The following ADORA2A variants were observed in gnomAD, a reference collection of about 807,000 sequenced individuals.
The protein encoded by ADORA2A is adenosine A2a receptor, also known as adenosine receptor A2a.
ADORA2A carries 11 observed loss-of-function variants against 18.4 expected under a neutral mutation model. The observed-to-expected ratio is 0.60, with a 90% CI of 0.38 to 0.99. ADORA2A has a LOEUF of 0.99. Among genes scored for constraint, ADORA2A ranks in the 50% least tolerant of loss-of-function variants. ADORA2A has a pLI of 0.01. For synonymous variants in ADORA2A, 218 were observed against 237.3 expected, an observed-to-expected ratio of 0.92 and a Z score of 0.75; for missense variants, 449 against 556.1, an observed-to-expected ratio of 0.81 and a Z score of 1.94.
At position 24,436,249 on chromosome 22, in the gene ADORA2A, C is replaced by T. The variant is rs560352800; in HGVS notation, c.332+2513C>T. Among the ~76,000 whole-genome samples the T allele has an allele frequency of 5.3e-4, 81 of 152,256 alleles. 1 individual carries two copies. Among genetic ancestry groups the T allele is most frequent in the Non-Finnish European group, 1.2e-3 (79 of 68,018 alleles). On this transcript the variant is annotated intron_variant, in intron 2 of 2. Coordinates refer to ENST00000337539, the MANE Select transcript of ADORA2A (RefSeq NM_000675.6). ...AAAGGAACTTGGTGACACTCCTGGC[C>T]GGCGCTGGAGTCACAGCCTGCCTCA...
At chr22:24,434,684 G>A (rs1217231031) in intron 2 of ADORA2A, among the ~76,000 whole-genome samples, 2 of 152,188 alleles carry the variant, frequency 1.3e-5, no homozygotes, top group Admixed American at 6.5e-5. Flanking sequence ...CCATCTCTGC[G>A]GTGAATTATC....
In ADORA2A at chr22:24,428,249, A is replaced by G. The variant is rs567031296; in HGVS notation, c.-275+503A>G. ...AAAAGCCAGTCATAGTGGGGCCCAC[A>G]ACCTGCCGTGCCCTGCCGAGCTCCC... On this transcript the variant is annotated intron_variant, in intron 1 of 2. Transcript: ENST00000337539. Among the ~76,000 whole-genome samples, 54 of 152,336 alleles carry G rather than the reference A, an allele frequency of 3.5e-4. 2 individuals carry two copies. In the South Asian group the frequency reaches 0.011, roughly 30 times the overall value.
At chr22:24,434,500 G>A (rs2043126430) in intron 2 of ADORA2A, among the ~76,000 whole-genome samples, 1 of 152,204 alleles carries the variant, frequency 6.6e-6, no homozygotes, top group Admixed American at 6.5e-5. Flanking sequence ...ACCTACCCAG[G>A]CCATAGATGA....
rs2043314389 is a variant in ADORA2A at position 24,440,598 on chromosome 22, G to A, written c.348G>A (p.Val116=). The A allele has an allele frequency of 2.6e-6, 4 of 1,562,312 alleles. No homozygotes were observed. The African/African-American group carries it at 4.1e-5, about 16-fold the overall frequency. Residue 116 remains valine (V), a synonymous_variant, in exon 3 of 3, where the codon GTG becomes GTA. Coordinates refer to ENST00000337539, the MANE Select transcript of ADORA2A (RefSeq NM_000675.6). ...TTCTCCCCAGGTACAATGGCTTGGT[G>A]ACCGGCACGAGGGCTAAGGGCATCA... The part of the protein sequence containing the change: ...IRIPLRYNGL[V]TGTRAKGIIA...
chr22:24,440,287 C>T (rs189509979), intron 2 of ADORA2A, among the ~76,000 whole-genome samples: 35 of 152,318 alleles, frequency 2.3e-4, no homozygotes, highest in African/African-American at 8.2e-4. Context: ...TTCCTCCAAC[C>T]AAACTAAGTC....
intron 1 of ADORA2A, chr22:24,431,586 T>C (rs1392208006): frequency 4.6e-6 from 2 of 435,098 alleles, no homozygotes; most frequent in African/African-American, 4.0e-5. Flanking sequence ...AGAGACGAGG[T>C]GGCTGCCCGA....
upstream of ADORA2A, chr22:24,424,537 G>A (rs2042896916): frequency 6.6e-6 from 1 of 152,286 alleles, no homozygotes. The surrounding 1 kb of genome is among the most constrained non-coding windows in gnomAD (Gnocchi z 4.9). Flanking sequence ...GAGCCGGGCG[G>A]AGACCGGTTC....
intron 2 of ADORA2A, chr22:24,438,784 A>G (rs531271018): frequency 6.6e-6 from 1 of 152,342 alleles, no homozygotes; most frequent in Admixed American, 6.5e-5. Flanking sequence ...ATTGGACCAC[A>G]TAAGAGATCG....
chr22:24,432,749 GC>G, intron 1 of ADORA2A: 1 of 154,834 alleles, frequency 6.5e-6, no homozygotes, highest in Non-Finnish European at 1.4e-5. Flanking sequence ...CCTGGCAGGG[GC>G]CCAGCTAGGG....
At chr22:24,425,913 G>A (rs1215925075), upstream of ADORA2A, among the ~76,000 whole-genome samples, 2 of 152,336 alleles carry the variant, frequency 1.3e-5, no homozygotes, top group South Asian at 2.1e-4. Flanking sequence ...CCTTGGCTTG[G>A]GAGCAAGTGG....
upstream of ADORA2A, among the ~76,000 whole-genome samples, chr22:24,425,437 G>C (rs2042908765): frequency 6.7e-6 from 1 of 149,404 alleles, no homozygotes; most frequent in South Asian, 2.1e-4. Flanking sequence ...TTCTGCGCTT[G>C]CTTTTTGGGG....
chr22:24,437,794 T>A (rs1351760942), intron 2 of ADORA2A, among the ~76,000 whole-genome samples: 1 of 152,274 alleles, frequency 6.6e-6, no homozygotes, highest in Non-Finnish European at 1.5e-5. Flanking sequence ...GGGTTCCCTT[T>A]TCTGTACAAG....
intron 1 of ADORA2A, chr22:24,429,878 G>A (rs2042987251): frequency 6.6e-6 from 1 of 152,340 alleles, no homozygotes; most frequent in Admixed American, 6.5e-5. Context: ...GCTCAGCAGT[G>A]ACTGGCATCG....
Position 24,441,498 on chromosome 22 carries a change from G to A in ADORA2A, c.*9G>A. 6.7e-7 allele frequency: 1 copy of A among 1,498,430 alleles called. No individual in the cohort carries two copies. Among genetic ancestry groups the A allele is most frequent in the Non-Finnish European group, 8.9e-7 (1 of 1,124,380 alleles). 92.8% of individuals were successfully genotyped at this position (1,498,430 alleles called of 1,614,324 possible). On this transcript the variant is annotated 3_prime_UTR_variant, in exon 3 of 3. Transcript: ENST00000337539. Reference sequence around the variant, plus strand: ...GAGCAGGAGTGTCCTGATGATTCATGGAGTTTGCCCCTTCCTAAGGGAAGG... The same window carrying A: ...GAGCAGGAGTGTCCTGATGATTCATAGAGTTTGCCCCTTCCTAAGGGAAGG...
In ADORA2A at chr22:24,434,116, A is replaced by G. The variant is rs5751873; in HGVS notation, c.332+380A>G. On this transcript the variant is annotated intron_variant, in intron 2 of 2. Coordinates refer to ENST00000337539, the MANE Select transcript of ADORA2A (RefSeq NM_000675.6). ...GGTGTGTCTGGGCCATTCCTCACAC[A>G]CAAGCAAAACTTCCCGGATGATGCT... Among the ~76,000 whole-genome samples, 1,183 of 152,290 alleles carry G rather than the reference A, an allele frequency of 7.8e-3. 75 individuals carry two copies. In the South Asian group the frequency reaches 0.12, roughly 16 times the overall value.
At chr22:24,430,172 GC>G (rs1483324350) in intron 1 of ADORA2A, 1 of 152,502 alleles carries the variant, frequency 6.6e-6, no homozygotes, top group African/African-American at 2.4e-5. Flanking sequence ...TTCTGGCTTG[GC>G]AGGGGCCCAG....
Position 24,441,835 on chromosome 22 carries a change from G to C in ADORA2A, c.*346G>C, listed in dbSNP as rs200178238. On this transcript the variant is annotated 3_prime_UTR_variant, in exon 3 of 3. Coordinates refer to ENST00000337539, the MANE Select transcript of ADORA2A (RefSeq NM_000675.6). The stretch of plus-strand genomic sequence containing the variant: ...AGCTTGGGCACAGCAGACTGGCCTG[G>C]CCCTGAGACTGGGGAGTGGCTCCAA... 3.8e-5 allele frequency: 8 copies of C among 213,282 alleles called. No homozygotes were observed. The highest frequency in any genetic ancestry group is 5.6e-5 in the Non-Finnish European group (6 of 107,012). The allele number at this position is 213,282 out of a possible 1,614,324, so 13.2% of individuals were successfully genotyped here. A position where few individuals can be genotyped will look rare whatever the true frequency, so the allele number is the denominator to read the frequency against.
chr22:24,423,967 G>T (rs1357533581), upstream of ADORA2A: 1 of 152,124 alleles, frequency 6.6e-6, no homozygotes, highest in African/African-American at 2.4e-5. Flanking sequence ...GGTCAGCCGG[G>T]GTGCTAGGTC....
chr22:24,426,921 C>T (rs1038622560), upstream of ADORA2A, among the ~76,000 whole-genome samples: 8 of 152,224 alleles, frequency 5.3e-5, no homozygotes, highest in African/African-American at 1.7e-4. Context: ...CACCACCCCC[C>T]GCCAACACCC....
Sources: gnomAD v4.1 joint callset for allele counts (sites outside exome capture counted in the v4.1 genomes callset) on GRCh38, gnomAD v4.1.1 for gene constraint, Gnocchi (gnomAD v3.1) non-coding constraint, MANE v1.5 for transcripts, NCBI Gene and HGNC (gene_info 2026-07-23, HGNC 2026-07-21) for gene names.